The following DUSP15 variants were observed in gnomAD, a reference collection of about 807,000 sequenced individuals.
The protein encoded by DUSP15 is dual specificity protein phosphatase 15.
In DUSP15, 23 loss-of-function variants were observed where a neutral mutation model predicts 26.3. That is an observed-to-expected ratio of 0.87 (90% CI 0.63 to 1.24). The LOEUF (loss-of-function observed/expected upper bound fraction) is 1.24. Among genes scored for constraint, DUSP15 ranks in the 50% most tolerant of loss-of-function variants. DUSP15 has a pLI of 0.00. For synonymous variants in DUSP15, 143 were observed against 135.5 expected, an observed-to-expected ratio of 1.06 and a Z score of -0.39; for missense variants, 364 against 320.6, an observed-to-expected ratio of 1.14 and a Z score of -1.03.
exon 10 of DUSP15, chr20:31,848,248 C>CGA (rs1482174946): frequency 1.4e-6 from 1 of 730,346 alleles, no homozygotes; most frequent in Non-Finnish European, 2.1e-6. Context: ...GGCCTACTCT[C>CGA]GAGTTCCGGG....
downstream of DUSP15, among the ~76,000 whole-genome samples, chr20:31,846,253 CAGAG>C (rs1176999938): frequency 6.7e-6 from 1 of 150,062 alleles, no homozygotes; most frequent in East Asian, 1.9e-4. Flanking sequence ...CACAGACACA[CAGAG>C]ACATACACAC....
chr20:31,849,022 C>T (rs193046412), intron 8 of DUSP15: 2 of 781,998 alleles, frequency 2.6e-6, no homozygotes, highest in Admixed American at 4.6e-5. Flanking sequence ...AAGCCCACAT[C>T]CCATTGTGTG....
chr20:31,856,208 C>T (rs189812637), downstream of DUSP15, among the ~76,000 whole-genome samples: 86 of 152,110 alleles, frequency 5.7e-4, no homozygotes, highest in African/African-American at 1.8e-3. Flanking sequence ...AAAGGTTTAA[C>T]GGTGATAAAG....
rs772390782 is a variant in DUSP15 at position 31,861,467 on chromosome 20, A to T, written c.644T>A (p.Leu215Gln). The change falls in exon 7 of 7, where the codon CTG becomes CAG. Residue 215 changes from leucine to glutamine, a missense_variant. Transcript: ENST00000339738. The stretch of plus-strand genomic sequence containing the variant: ...AGAGAAAGTCTGCTTGACGCGCGCC[A>T]GCAGCGGCAGCGGCCGGTGGGCTTC... ...PREAHRPLPL[L>Q]ARVKQTFSCL... is the part of the protein sequence containing the mutation. 3 of 1,546,846 alleles carry T rather than the reference A, an allele frequency of 1.9e-6. No individual in the cohort carries two copies. In the African/African-American group the frequency reaches 4.2e-5, roughly 22 times the overall value.
At chr20:31,846,818 T>G (rs1273481877), downstream of DUSP15, among the ~76,000 whole-genome samples, 1 of 152,276 alleles carries the variant, frequency 6.6e-6, no homozygotes. Flanking sequence ...TGAGCCTCAG[T>G]TTCCCCATCT....
intron 7 of DUSP15, chr20:31,850,508 T>C: frequency 8.2e-7 from 1 of 1,219,668 alleles, no homozygotes; most frequent in Admixed American, 2.0e-5. Context: ...ATTGGGAGCC[T>C]GGGCTGGGTG....
chr20:31,861,305 TC>T lies in DUSP15; in HGVS notation c.*97del, dbSNP rs1424326260. ...GGCAGGGTTCAGGCCGCCGCGGGGC[TC>T]CCCCAGCCTCTGGGCCCGTCCTGGG... On this transcript the variant is annotated 3_prime_UTR_variant, in exon 7 of 7. Transcript: ENST00000339738. The T allele has an allele frequency of 2.2e-6, 3 of 1,365,384 alleles. No individual in the cohort carries two copies. Among genetic ancestry groups the T allele is most frequent in the Non-Finnish European group, 2.8e-6 (3 of 1,065,390 alleles). 84.6% of individuals were successfully genotyped at this position (1,365,384 alleles called of 1,614,324 possible).
chr20:31,863,076 G>T (rs1600470717), intron 5 of DUSP15, among the ~76,000 whole-genome samples: 1 of 29,170 alleles, frequency 3.4e-5, no homozygotes, highest in South Asian at 9.9e-4. Context: ...CAGTATGGCT[G>T]GGGGGGGGGG....
intron 2 of DUSP15, 108 bp downstream of exon 2, chr20:31,869,456 C>G (rs893151704): frequency 1.4e-6 from 2 of 1,462,532 alleles, no homozygotes; most frequent in Admixed American, 2.0e-5. Flanking sequence ...GGCCGCTTCC[C>G]TGCCCCCAAC....
intron 6 of DUSP15, among the ~76,000 whole-genome samples, chr20:31,855,329 C>T (rs2123210533): frequency 6.6e-6 from 1 of 152,254 alleles, no homozygotes; most frequent in Non-Finnish European, 1.5e-5. Context: ...GGCCATGAAA[C>T]TGATACAAGT....
chr20:31,864,883 AC>A (rs1356472229), intron 4 of DUSP15, 69 bp downstream of exon 4: 16 of 1,533,286 alleles, frequency 1.0e-5, no homozygotes, highest in Admixed American at 1.0e-4. Context: ...CCTCCTTCAA[AC>A]CCCCTCCCCC....
intron 7 of DUSP15, among the ~76,000 whole-genome samples, chr20:31,850,345 G>A (rs1178263930): frequency 6.6e-6 from 1 of 152,220 alleles, no homozygotes; most frequent in African/African-American, 2.4e-5. Context: ...AGGGTTACCA[G>A]CTGTGTGACC....
chr20:31,849,765 G>C, exon 8 of DUSP15: 3 of 1,540,180 alleles, frequency 1.9e-6, no homozygotes, highest in Non-Finnish European at 2.6e-6. Flanking sequence ...GGCGGCCCCA[G>C]CAGGCGCTCG....
In DUSP15 at chr20:31,861,397, G is replaced by C. The variant is rs1384396011; in HGVS notation, c.*6C>G. 5 of 1,547,674 alleles carry C rather than the reference G, an allele frequency of 3.2e-6. No homozygotes were observed. The highest frequency in any genetic ancestry group is 4.3e-6 in the Non-Finnish European group (5 of 1,157,380). ...GGAAGTGGGGAGCCACGGCTGGACTGCATCCTCACTTGCCGCCCTTGCGGG... is the reference window on the plus strand; with the variant it reads ...GGAAGTGGGGAGCCACGGCTGGACTCCATCCTCACTTGCCGCCCTTGCGGG... On this transcript the variant is annotated 3_prime_UTR_variant, in exon 7 of 7. Transcript: ENST00000339738.
At chr20:31,850,022 G>A in intron 7 of DUSP15, 8 of 898,772 alleles carry the variant, frequency 8.9e-6, no homozygotes, top group Non-Finnish European at 1.3e-5. Context: ...TATCAGTGAT[G>A]ATAAGAATTC....
At chr20:31,863,786 A>C in intron 5 of DUSP15, 121 bp downstream of exon 5, 1 of 969,716 alleles carries the variant, frequency 1.0e-6, no homozygotes, top group Non-Finnish European at 1.6e-6. Context: ...GCCCTCAGGC[A>C]CTGTGACAGG....
chr20:31,865,230 C>T (rs545694179), intron 3 of DUSP15, among the ~76,000 whole-genome samples: 4 of 152,134 alleles, frequency 2.6e-5, no homozygotes, highest in African/African-American at 4.8e-5. Flanking sequence ...ACCCCATCAG[C>T]GGCGTGGGCA....
chr20:31,848,659 C>G, intron 9 of DUSP15: 1 of 1,466,062 alleles, frequency 6.8e-7, no homozygotes, highest in Non-Finnish European at 9.1e-7. Context: ...AGCCCCATCC[C>G]TACCCCCATT....
At chr20:31,850,258 G>T (rs2062446877) in intron 7 of DUSP15, among the ~76,000 whole-genome samples, 1 of 152,184 alleles carries the variant, frequency 6.6e-6, no homozygotes, top group South Asian at 2.1e-4. Flanking sequence ...CAGCAATCCT[G>T]CTCAGTGGTT....
Sources: gnomAD v4.1 joint callset for allele counts (sites outside exome capture counted in the v4.1 genomes callset) on GRCh38, gnomAD v4.1.1 for gene constraint, MANE v1.5 for transcripts, NCBI Gene and HGNC (gene_info 2026-07-23, HGNC 2026-07-21) for gene names.